Variants in DNAH7 observed in about 807,000 individuals in gnomAD.
The protein encoded by DNAH7 is axonemal beta dynein heavy chain 7.
DNAH7 carries 397 observed loss-of-function variants against 444.6 expected under a neutral mutation model. The ratio of observed to expected loss-of-function variants is 0.89; its 90% CI spans 0.82 to 0.97. DNAH7 has a LOEUF of 0.97. DNAH7 is among the 50% of genes least tolerant of loss of function. The pLI, the probability that DNAH7 is intolerant of heterozygous loss-of-function variation, is 0.00. For missense variants in DNAH7, 4,902 were observed against 4,800.8 expected, an observed-to-expected ratio of 1.02 and a Z score of -0.62; for synonymous variants, 1,636 against 1,624.4, an observed-to-expected ratio of 1.01 and a Z score of -0.17.
chr2:195,787,841 G>A (rs1025374907), intron 57 of DNAH7, among the ~76,000 whole-genome samples: 3 of 152,130 alleles, frequency 2.0e-5, no homozygotes, highest in African/African-American at 7.2e-5. Flanking sequence ...CCAACAGTGG[G>A]CCCATCCAGT....
chr2:195,785,235 T>C (rs980696041), intron 58 of DNAH7, among the ~76,000 whole-genome samples: 7 of 152,194 alleles, frequency 4.6e-5, no homozygotes, highest in African/African-American at 1.7e-4. Flanking sequence ...CCAGGAATTT[T>C]GTTTCCTTAT....
At position 195,816,683 on chromosome 2, in the gene DNAH7, T is replaced by C; in HGVS notation, c.9706A>G (p.Asn3236Asp). The C allele has an allele frequency of 6.2e-7, 1 of 1,614,150 alleles. No individual in the cohort carries two copies. The highest frequency in any genetic ancestry group is 8.5e-7 in the Non-Finnish European group (1 of 1,180,008). The change falls in exon 51 of 65, where the codon AAC (asparagine) becomes GAC (aspartate). Residue 3236 changes from asparagine to aspartate, a missense_variant. Transcript: ENST00000312428. ...MYQYSLTWFI[N>D]LFILSIENSE... ...TTTTCAATAGACAGGATGAAAAGGT[T>C]AATAAACCAGGTCAGTGAATACTGG...
At chr2:195,756,811 G>A (rs1369256248) in intron 61 of DNAH7, among the ~76,000 whole-genome samples, 1 of 151,942 alleles carries the variant, frequency 6.6e-6, no homozygotes, top group South Asian at 2.1e-4. Context: ...GGGCCACATG[G>A]CGAAACCTCA....
rs778055626 is a variant in DNAH7, at chr2:196,000,893, A to T, written c.1174-10T>A. 1 of 1,554,852 alleles carries T rather than the reference A, an allele frequency of 6.4e-7. No individual in the cohort carries two copies. The highest frequency in any genetic ancestry group is 8.7e-7 in the Non-Finnish European group (1 of 1,155,466). On this transcript the variant is annotated splice_polypyrimidine_tract_variant and intron_variant, in intron 11 of 64. Transcript: ENST00000312428. ...AAGCTCTAACAGAATCCTGCAAAAA[A>T]TTAAAAAATTTACATACATAAATAT...
chr2:196,019,129 C>T (rs544132040), intron 9 of DNAH7, 41 bp downstream of exon 9: 13 of 1,384,424 alleles, frequency 9.4e-6, no homozygotes, highest in Non-Finnish European at 1.2e-5. Flanking sequence ...AACAACTTCC[C>T]TCTATATTTT....
intron 49 of DNAH7, among the ~76,000 whole-genome samples, chr2:195,818,401 T>G (rs1697317703): frequency 6.6e-6 from 1 of 152,236 alleles, no homozygotes; most frequent in African/African-American, 2.4e-5. Context: ...CCATCAAGAC[T>G]GTCTGCTAAC....
At chr2:195,810,562 C>T (rs1050512458) in intron 51 of DNAH7, among the ~76,000 whole-genome samples, 1 of 152,072 alleles carries the variant, frequency 6.6e-6, no homozygotes, top group Non-Finnish European at 1.5e-5. Context: ...CGGGCGTGCA[C>T]CACCATGCCT....
At chr2:195,840,767 C>G (rs1461790785) in intron 47 of DNAH7, among the ~76,000 whole-genome samples, 4 of 151,502 alleles carry the variant, frequency 2.6e-5, no homozygotes, top group Non-Finnish European at 5.9e-5. Flanking sequence ...TAAATCTAAC[C>G]ACAAAACACT....
chr2:195,973,271 G>T (rs542618329), intron 15 of DNAH7, among the ~76,000 whole-genome samples: 6 of 152,188 alleles, frequency 3.9e-5, no homozygotes, highest in African/African-American at 1.2e-4. Context: ...CAGTCCCCCT[G>T]GTACCAATAC....
intron 48 of DNAH7, among the ~76,000 whole-genome samples, chr2:195,828,144 C>T (rs183800493): frequency 7.8e-4 from 119 of 152,096 alleles, no homozygotes; most frequent in African/African-American, 2.5e-3. Context: ...TAAAAATTGA[C>T]GCATCTTAAA....
chr2:195,911,715 T>C (rs1455405954), intron 24 of DNAH7, among the ~76,000 whole-genome samples: 3 of 152,048 alleles, frequency 2.0e-5, no homozygotes, highest in South Asian at 2.1e-4. Context: ...AAAACTACTG[T>C]TCATCTACAC....
intron 30 of DNAH7, chr2:195,894,361 T>A (rs185426668): frequency 6.6e-6 from 1 of 152,292 alleles, no homozygotes; most frequent in Admixed American, 6.5e-5. Flanking sequence ...AAAGGGAGAC[T>A]CTTCAAGTAA....
At chr2:195,916,503 C>T (rs910640961) in intron 24 of DNAH7, among the ~76,000 whole-genome samples, 7 of 123,216 alleles carry the variant, frequency 5.7e-5, no homozygotes, top group Admixed American at 2.2e-4. Flanking sequence ...CAGTTGTTAA[C>T]GGTCTCTCTA....
At chr2:196,011,045 G>A (rs763095461) in intron 10 of DNAH7, among the ~76,000 whole-genome samples, 5 of 152,054 alleles carry the variant, frequency 3.3e-5, no homozygotes, top group Admixed American at 6.6e-5. Context: ...TGGTTAATAC[G>A]CACAAAAATA....
intron 3 of DNAH7, among the ~76,000 whole-genome samples, chr2:196,049,921 A>T (rs1365939993): frequency 6.6e-6 from 1 of 152,228 alleles, no homozygotes; most frequent in Non-Finnish European, 1.5e-5. Flanking sequence ...CTAGAAAATT[A>T]AGAGGGATTT....
At chr2:195,957,590 TG>T in intron 18 of DNAH7, 143 bp from the exon 19 acceptor site, 1 of 426,984 alleles carries the variant, frequency 2.3e-6, no homozygotes, top group Non-Finnish European at 4.1e-6. Context: ...TTGTATATAA[TG>T]TTATACAATT....
chr2:195,868,376 G>A (rs369045745), intron 40 of DNAH7, among the ~76,000 whole-genome samples: 10 of 151,842 alleles, frequency 6.6e-5, no homozygotes, highest in African/African-American at 1.4e-4. Flanking sequence ...GAGCCACCAC[G>A]CCTGGCCTAT....
intron 63 of DNAH7, among the ~76,000 whole-genome samples, chr2:195,743,748 G>A (rs1693195710): frequency 6.6e-6 from 1 of 152,198 alleles, no homozygotes; most frequent in Non-Finnish European, 1.5e-5. Context: ...GAAAAAGCTA[G>A]GATGACAAAA....
At chr2:195,840,835 T>C (rs1385498465) in intron 47 of DNAH7, among the ~76,000 whole-genome samples, 2 of 151,796 alleles carry the variant, frequency 1.3e-5, no homozygotes, top group Admixed American at 6.6e-5. Context: ...GTTCATATAG[T>C]AGAAATATAT....
Sources: gnomAD v4.1 joint callset for allele counts (sites outside exome capture counted in the v4.1 genomes callset) on GRCh38, gnomAD v4.1.1 for gene constraint, MANE v1.5 for transcripts, NCBI Gene and HGNC (gene_info 2026-07-23, HGNC 2026-07-21) for gene names.